Variants in ELMO1 observed in about 807,000 individuals in gnomAD.
The protein encoded by ELMO1 is engulfment and cell motility 1, also known as engulfment and cell motility protein 1.
In ELMO1, 26 loss-of-function variants were observed where a neutral mutation model predicts 98.9. The observed-to-expected ratio is 0.26, with a 90% CI of 0.19 to 0.36. The LOEUF is 0.36. Among genes scored for constraint, ELMO1 ranks in the 10% least tolerant of loss-of-function variants. The pLI, the probability that ELMO1 is intolerant of heterozygous loss-of-function variation, is 1.00. For synonymous variants in ELMO1, 346 were observed against 346.0 expected (o/e 1.00, Z 0.00); for missense variants, 627 against 935.2 (o/e 0.67, Z 4.30).
chr7:36,879,321 A>C (rs943737383), intron 18 of ELMO1, among the ~76,000 whole-genome samples: 1 of 152,192 alleles, frequency 6.6e-6, no homozygotes, highest in South Asian at 2.1e-4. Flanking sequence ...CCTGATCAAA[A>C]TGCCTAAGGC....
At chr7:36,934,719 A>C (rs1174599860) in intron 16 of ELMO1, among the ~76,000 whole-genome samples, 1 of 152,226 alleles carries the variant, frequency 6.6e-6, no homozygotes, top group East Asian at 1.9e-4. Context: ...AATGTCCTTG[A>C]AAAACTCTTG....
intron 1 of ELMO1, among the ~76,000 whole-genome samples, chr7:37,360,353 C>G (rs1441389629): frequency 2.6e-5 from 4 of 151,196 alleles, no homozygotes; most frequent in Non-Finnish European, 4.4e-5. Flanking sequence ...AATCAATTCA[C>G]TTAGGTGCAA....
chr7:37,287,150 G>A (rs959089011), intron 4 of ELMO1, among the ~76,000 whole-genome samples: 2 of 149,874 alleles, frequency 1.3e-5, no homozygotes, highest in African/African-American at 2.5e-5. Flanking sequence ...CCGAGATCAC[G>A]CCACTGCACT....
At chr7:36,933,028 C>T (rs1786175476) in intron 16 of ELMO1, among the ~76,000 whole-genome samples, 1 of 152,206 alleles carries the variant, frequency 6.6e-6, no homozygotes, top group South Asian at 2.1e-4. Flanking sequence ...GAAGCTATCA[C>T]TTCTGTCCCA....
intron 17 of ELMO1, among the ~76,000 whole-genome samples, chr7:36,892,731 C>T (rs369013883): frequency 2.2e-4 from 33 of 152,272 alleles, no homozygotes; most frequent in African/African-American, 6.7e-4. Flanking sequence ...TACCCTCTGC[C>T]GGCTTCAGAG....
chr7:36,861,719 A>T lies in ELMO1; in HGVS notation c.1923T>A (p.Ala641=). Residue 641 remains alanine (A), a synonymous_variant, in exon 21 of 22, where the codon GCT becomes GCA. Transcript: ENST00000310758. ...AGTTTGAGTCATACAAGATGGAGAAAGCGAGTTCAAGCACCTCCTACAAGA... is the reference window on the plus strand; with the variant it reads ...AGTTTGAGTCATACAAGATGGAGAATGCGAGTTCAAGCACCTCCTACAAGA... The part of the protein sequence containing the change: ...LKQNKEVLEL[A]FSILYDSNCQ... The T allele has an allele frequency of 6.2e-7, 1 of 1,613,402 alleles. No individual in the cohort carries two copies. The highest frequency in any genetic ancestry group is 8.5e-7 in the Non-Finnish European group (1 of 1,179,884).
At position 37,399,217 on chromosome 7, in the gene ELMO1, G is replaced by A. The variant is rs149832657; in HGVS notation, c.-74+49458C>T. On this transcript the variant is annotated intron_variant, in intron 1 of 21. Transcript: ENST00000310758. Reference sequence around the variant, plus strand: ...AAATGCCCATGAGGGCTGGGACCACGTCCTTCATTCAACAAACTCGTGCAG... The same window carrying A: ...AAATGCCCATGAGGGCTGGGACCACATCCTTCATTCAACAAACTCGTGCAG... Among the ~76,000 whole-genome samples, 97 of 152,322 alleles carry A rather than the reference G, an allele frequency of 6.4e-4. No individual in the cohort carries two copies. In the South Asian group the frequency reaches 7.9e-3, roughly 12 times the overall value.
chr7:37,148,266 AT>A (rs1788129559), intron 13 of ELMO1, among the ~76,000 whole-genome samples: 1 of 152,260 alleles, frequency 6.6e-6, no homozygotes, highest in Non-Finnish European at 1.5e-5. Flanking sequence ...GAAGTGAGTT[AT>A]TAAAAGTCTT....
chr7:37,339,747 A>G (rs751267043), intron 2 of ELMO1, among the ~76,000 whole-genome samples: 4 of 152,064 alleles, frequency 2.6e-5, no homozygotes, highest in Non-Finnish European at 5.9e-5. Flanking sequence ...TTGCCCGTCT[A>G]GGTTTCCATA....
At chr7:37,166,196 AT>A (rs1422099444) in intron 13 of ELMO1, among the ~76,000 whole-genome samples, 2 of 152,206 alleles carry the variant, frequency 1.3e-5, no homozygotes, top group East Asian at 1.9e-4. Context: ...CCCCTTTATC[AT>A]TTTTTATTGC....
intron 14 of ELMO1, among the ~76,000 whole-genome samples, chr7:37,110,819 C>A (rs1785213180): frequency 2.6e-5 from 4 of 152,146 alleles, no homozygotes; most frequent in Admixed American, 2.6e-4. Context: ...GACAGCCACT[C>A]CCTAATCCTG....
chr7:37,444,445 T>C (rs1805528143), intron 1 of ELMO1, among the ~76,000 whole-genome samples: 1 of 152,234 alleles, frequency 6.6e-6, no homozygotes, highest in African/African-American at 2.4e-5. Context: ...GAAAAGCATG[T>C]CACTTGAGTT....
intron 16 of ELMO1, among the ~76,000 whole-genome samples, chr7:36,964,727 C>T (rs1789262946): frequency 6.6e-6 from 1 of 152,164 alleles, no homozygotes; most frequent in Non-Finnish European, 1.5e-5. Context: ...CTTCCTTCCT[C>T]CTCCACATGG....
At chr7:37,317,877 A>G (rs2131116707) in intron 2 of ELMO1, among the ~76,000 whole-genome samples, 1 of 152,364 alleles carries the variant, frequency 6.6e-6, no homozygotes, top group East Asian at 1.9e-4. Flanking sequence ...TAGATACATC[A>G]TTTTCCACAA....
chr7:37,272,594 G>GAATCCAGGAGGT (rs1796624810), intron 4 of ELMO1, among the ~76,000 whole-genome samples: 1 of 151,816 alleles, frequency 6.6e-6, no homozygotes, highest in Admixed American at 6.6e-5. Flanking sequence ...AGAATTGCTT[G>GAATCCAGGAGGT]AATCCAGGAG....
intron 1 of ELMO1, among the ~76,000 whole-genome samples, chr7:37,362,837 T>G (rs1392462210): frequency 6.6e-6 from 1 of 152,166 alleles, no homozygotes; most frequent in African/African-American, 2.4e-5. Context: ...CTAGCCCCCT[T>G]GCAGGATAAG....
chr7:37,058,567 C>T lies in ELMO1; in HGVS notation c.1300+38052G>A, dbSNP rs117772084. Among the ~76,000 whole-genome samples, 473 of 152,216 alleles carry T rather than the reference C, an allele frequency of 3.1e-3. 2 individuals carry two copies. Among genetic ancestry groups the T allele is most frequent in the Non-Finnish European group, 4.5e-3 (304 of 68,010 alleles). On this transcript the variant is annotated intron_variant, in intron 15 of 21. Transcript: ENST00000310758. ...GCTTTCATCAGACTGACTGGAGGTA[C>T]TGACGCGAAATGATTCTGTGTCTGC...
At chr7:36,955,352 G>A (rs916013632) in intron 16 of ELMO1, among the ~76,000 whole-genome samples, 3 of 151,836 alleles carry the variant, frequency 2.0e-5, no homozygotes, top group Admixed American at 1.3e-4. Flanking sequence ...GCTCCCATTC[G>A]CCAAAAGATA....
At chr7:37,348,963 T>A (rs1801135926) in intron 1 of ELMO1, among the ~76,000 whole-genome samples, 1 of 152,210 alleles carries the variant, frequency 6.6e-6, no homozygotes, top group African/African-American at 2.4e-5. Flanking sequence ...TGTTGCACAG[T>A]AAACCCTACT....
Sources: allele counts gnomAD v4.1 joint callset (sites outside exome capture counted in the v4.1 genomes callset), GRCh38; gene constraint gnomAD v4.1.1; transcripts MANE v1.5; gene names NCBI Gene and HGNC (gene_info 2026-07-23, HGNC 2026-07-21).